Variants in PCDHGB3 observed in about 807,000 individuals in gnomAD.
PCDHGB3 encodes protocadherin gamma-B3.
A neutral mutation model predicts 59.2 loss-of-function variants in PCDHGB3; 40 were observed. The ratio of observed to expected loss-of-function variants is 0.68; its 90% CI spans 0.52 to 0.88. The LOEUF (loss-of-function observed/expected upper bound fraction) is 0.88, where lower values mean the gene tolerates loss of function less well. PCDHGB3 is among the 40% of genes least tolerant of loss of function. PCDHGB3 has a pLI of 0.00. For synonymous variants in PCDHGB3, 581 were observed against 503.6 expected (o/e 1.15, Z -2.06); for missense variants, 1,309 against 1,187.9 (o/e 1.10, Z -1.50).
intron 1 of PCDHGB3, among the ~76,000 whole-genome samples, chr5:141,449,921 C>T (rs2098659300): frequency 6.6e-6 from 1 of 151,648 alleles, no homozygotes; most frequent in African/African-American, 2.4e-5. Flanking sequence ...TTAAATTCTA[C>T]CATACCTTAT....
At chr5:141,415,177 G>A (rs758980730) in intron 1 of PCDHGB3, 26 of 1,613,808 alleles carry the variant, frequency 1.6e-5, no homozygotes, top group East Asian at 4.5e-5. Flanking sequence ...CACCGTGGCC[G>A]TGGCCGACAG....
At chr5:141,418,147 C>A (rs781655205) in intron 1 of PCDHGB3, 3 of 1,614,040 alleles carry the variant, frequency 1.9e-6, no homozygotes, top group Non-Finnish European at 2.5e-6. Flanking sequence ...AGCAAATATG[C>A]AAAGAGAGAA....
intron 1 of PCDHGB3, chr5:141,427,931 G>C: frequency 6.3e-7 from 1 of 1,583,764 alleles, no homozygotes; most frequent in Non-Finnish European, 8.6e-7. Flanking sequence ...GGCGCATGTT[G>C]GTGGGCGACC....
In PCDHGB3 at chr5:141,486,036, G is replaced by A. The variant is rs773301300; in HGVS notation, c.2416-8771G>A. ...TATTTCAGTGGTCATACCCCTGATC[G>A]TGTAAGAAACCTCTTTAGCCTGCAC... On this transcript the variant is annotated intron_variant, in intron 1 of 3. Transcript: ENST00000576222. This position sits in a 1 kb window ranked among gnomAD's most constrained non-coding sequence, Gnocchi z 5.0. 2.5e-6 allele frequency: 4 copies of A among 1,614,048 alleles called. No individual in the cohort carries two copies. Among genetic ancestry groups the A allele is most frequent in the Admixed American group, 1.7e-5 (1 of 60,004 alleles).
chr5:141,505,298 T>C, intron 2 of PCDHGB3, 95 bp from the exon 3 acceptor site: 1 of 1,586,334 alleles, frequency 6.3e-7, no homozygotes, highest in Non-Finnish European at 8.6e-7. Flanking sequence ...GGGGTAGGGT[T>C]AGGGTACTAG....
intron 1 of PCDHGB3, chr5:141,418,478 G>A (rs777772131): frequency 1.2e-6 from 2 of 1,613,858 alleles, no homozygotes; most frequent in Non-Finnish European, 1.7e-6. Flanking sequence ...AACGCAGAGC[G>A]CTCACCACTT....
chr5:141,409,474 C>T, intron 1 of PCDHGB3: 1 of 1,614,002 alleles, frequency 6.2e-7, no homozygotes, highest in Non-Finnish European at 8.5e-7. Flanking sequence ...CCATCGTAGC[C>T]ACTGACAGGG....
intron 1 of PCDHGB3, chr5:141,426,979 A>G (rs762085745): frequency 4.2e-5 from 19 of 456,640 alleles, no homozygotes; most frequent in Non-Finnish European, 7.5e-5. Flanking sequence ...GAGGTCACTG[A>G]TGCCAACGAT....
intron 1 of PCDHGB3, chr5:141,394,323 T>A (rs1323089912): frequency 6.2e-7 from 1 of 1,613,982 alleles, no homozygotes; most frequent in South Asian, 1.1e-5. Flanking sequence ...CCTGTCCTCG[T>A]ATATCTCCAT....
chr5:141,403,033 G>T (rs764461706), intron 1 of PCDHGB3: 1 of 1,614,056 alleles, frequency 6.2e-7, no homozygotes, highest in Non-Finnish European at 8.5e-7. Flanking sequence ...GGGAGGCCAG[G>T]GCCAGTCAGA....
At chr5:141,480,298 C>G (rs1238380283) in intron 1 of PCDHGB3, among the ~76,000 whole-genome samples, 1 of 132,676 alleles carries the variant, frequency 7.5e-6, no homozygotes, top group Non-Finnish European at 1.6e-5. Flanking sequence ...ACCTGTGGTA[C>G]CAGCTACTTG....
chr5:141,500,871 T>C (rs2154592764), intron 2 of PCDHGB3, among the ~76,000 whole-genome samples: 1 of 135,840 alleles, frequency 7.4e-6, no homozygotes, highest in African/African-American at 3.0e-5. Context: ...TACACATTCA[T>C]TTACAATTTT....
Position 141,371,062 on chromosome 5 carries a change from G to T in PCDHGB3, c.668G>T (p.Ser223Ile). ...TAVDGGEPSRSCTTQIRVIVA... is the reference protein window; with the variant it reads ...TAVDGGEPSRICTTQIRVIVA... ...GTGGATGGGGGCGAGCCCTCCAGAAGCTGTACCACCCAGATCAGGGTAATT... is the reference window on the plus strand; with the variant it reads ...GTGGATGGGGGCGAGCCCTCCAGAATCTGTACCACCCAGATCAGGGTAATT... Residue 223 changes from serine to isoleucine, a missense_variant, in exon 1 of 4, where the codon AGC (serine) becomes ATC (isoleucine). Ser to Ile is a moderately radical substitution (Grantham distance 142, BLOSUM62 -2). Transcript: ENST00000576222. The T allele has an allele frequency of 6.2e-7, 1 of 1,613,974 alleles. No homozygotes were observed. Among genetic ancestry groups the T allele is most frequent in the Non-Finnish European group, 8.5e-7 (1 of 1,179,876 alleles).
At chr5:141,455,860 ATTATTTATTTATTTATTTATTTAT>A (rs145569377) in intron 1 of PCDHGB3, among the ~76,000 whole-genome samples, 10 of 139,848 alleles carry the variant, frequency 7.2e-5, no homozygotes, top group Admixed American at 5.1e-4. Flanking sequence ...AATTTCTTTT[ATTATTTATTTATTTATTTATTTAT>A]TTATTTATTT....
At chr5:141,446,339 G>A (rs1455819111) in intron 1 of PCDHGB3, among the ~76,000 whole-genome samples, 1 of 152,164 alleles carries the variant, frequency 6.6e-6, no homozygotes, top group Non-Finnish European at 1.5e-5. Flanking sequence ...GAACTGGATG[G>A]ACAAAGCTAC....
chr5:141,497,775 A>G (rs2099779384), intron 2 of PCDHGB3, among the ~76,000 whole-genome samples: 2 of 152,054 alleles, frequency 1.3e-5, no homozygotes, highest in South Asian at 4.2e-4. Context: ...CCCGACCTCA[A>G]CTGATCCACC....
Position 141,370,409 on chromosome 5 carries a change from C to CG in PCDHGB3, c.17dup (p.Trp7MetfsTer58), listed in dbSNP as rs775733785. Reference sequence around the variant, plus strand: ...CAGAGAGCGGGATGGGAAATAGCTCCGGATGGAGGGGCCCAGCAGGGCAGA... The same window carrying CG: ...CAGAGAGCGGGATGGGAAATAGCTCCGGGATGGAGGGGCCCAGCAGGGCAGA... On this transcript the variant is annotated frameshift_variant, in exon 1 of 4. Transcript: ENST00000576222. LOFTEE classifies it high-confidence loss of function. 2 of 1,561,734 alleles carry CG rather than the reference C, an allele frequency of 1.3e-6. No individual in the cohort carries two copies. Among genetic ancestry groups the CG allele is most frequent in the Non-Finnish European group, 1.7e-6 (2 of 1,156,082 alleles).
chr5:141,473,237 A>C (rs2099317600), intron 1 of PCDHGB3, among the ~76,000 whole-genome samples: 1 of 152,194 alleles, frequency 6.6e-6, no homozygotes, highest in African/African-American at 2.4e-5. Context: ...GATCCACACA[A>C]GTGAATACAT....
chr5:141,388,394 C>G lies in PCDHGB3; in HGVS notation c.2415+15585C>G, dbSNP rs371227077. 5 of 1,613,846 alleles carry G rather than the reference C, an allele frequency of 3.1e-6. No individual in the cohort carries two copies. In the African/African-American group the frequency reaches 4.0e-5, roughly 13 times the overall value. ...TTGGTAGCAACACACTGCAGAATTA[C>G]CAACTCAGTCCCAGTGATCATTTCT... On this transcript the variant is annotated intron_variant, in intron 1 of 3. Coordinates refer to ENST00000576222, the MANE Select transcript of PCDHGB3 (RefSeq NM_018924.5).
Sources: allele counts gnomAD v4.1 joint callset (sites outside exome capture counted in the v4.1 genomes callset), GRCh38; gene constraint gnomAD v4.1.1; non-coding constraint Gnocchi (gnomAD v3.1); transcripts MANE v1.5; gene names NCBI Gene and HGNC (gene_info 2026-07-23, HGNC 2026-07-21).